The following NCAM1 variants were observed in gnomAD, a reference collection of about 807,000 sequenced individuals.
NCAM1 encodes neural cell adhesion molecule 1.
In NCAM1, 14 loss-of-function variants were observed where a neutral mutation model predicts 109.8. The ratio of observed to expected loss-of-function variants is 0.13; its 90% CI spans 0.08 to 0.20. The LOEUF (loss-of-function observed/expected upper bound fraction) is 0.20, where lower values mean the gene tolerates loss of function less well. Ranked by LOEUF, NCAM1 falls within the 10% of genes least tolerant of loss-of-function variation. The pLI is 1.00. For synonymous variants in NCAM1, 418 were observed against 442.9 expected (o/e 0.94, Z 0.70); for missense variants, 774 against 1,109.9 (o/e 0.70, Z 4.30).
At chr11:113,237,951 T>G in intron 14 of NCAM1, among the ~76,000 whole-genome samples, 1 of 68,634 alleles carries the variant, frequency 1.5e-5, no homozygotes, top group East Asian at 2.4e-4. Context: ...TATATATAGA[T>G]ATATAGATAG....
chr11:113,231,692 G>A lies in NCAM1; in HGVS notation c.1137G>A (p.Ser379=), dbSNP rs782126627. The A allele has an allele frequency of 2.9e-5, 47 of 1,613,784 alleles. No homozygotes were observed. In the East Asian group the frequency reaches 4.5e-4, roughly 15 times the overall value. ...MVVRSHARVS[S]LTLKSIQYTD... is the part of the protein sequence containing the mutation. ...TGCGTAGCCATGCCCGTGTGTCGTC[G>A]CTGACCCTGAAGAGCATCCAGTACA... is the stretch of plus-strand genomic sequence containing the variant. The change falls in exon 10 of 20, where the codon TCG becomes TCA. Residue 379 remains serine, a synonymous_variant. Coordinates refer to ENST00000316851, the MANE Select transcript of NCAM1 (RefSeq NM_181351.5).
chr11:113,251,293 G>C (rs1381166613), intron 15 of NCAM1, among the ~76,000 whole-genome samples: 1 of 152,234 alleles, frequency 6.6e-6, no homozygotes, highest in Middle Eastern at 3.2e-3. Flanking sequence ...ATCCAGTGGA[G>C]TTTTCTAACT....
intron 1 of NCAM1, among the ~76,000 whole-genome samples, chr11:113,138,627 C>T (rs1219657672): frequency 6.6e-6 from 1 of 152,198 alleles, no homozygotes; most frequent in African/African-American, 2.4e-5. Flanking sequence ...TTTTACAATA[C>T]TTCCTTTCCC....
intron 13 of NCAM1, 98 bp from the exon 14 acceptor site, chr11:113,234,935 C>G (rs1041098258): frequency 2.0e-5 from 28 of 1,394,190 alleles, no homozygotes; most frequent in Admixed American, 5.3e-5. Context: ...AATGATAAAT[C>G]TACAGTTAAT....
At chr11:113,221,370 T>G (rs1565509095) in intron 9 of NCAM1, 45 bp downstream of exon 9, 1 of 1,552,060 alleles carries the variant, frequency 6.4e-7, no homozygotes, top group Admixed American at 1.9e-5. Flanking sequence ...TTTGAAAGCA[T>G]TACAGTTTAA....
intron 1 of NCAM1, among the ~76,000 whole-genome samples, chr11:113,000,426 A>G (rs1204596620): frequency 5.9e-5 from 9 of 152,190 alleles, no homozygotes; most frequent in Non-Finnish European, 1.2e-4. Context: ...CATAAAAAGC[A>G]CAGTGAATAG....
chr11:113,106,911 C>T (rs1007100772), intron 1 of NCAM1, among the ~76,000 whole-genome samples: 63 of 152,322 alleles, frequency 4.1e-4, no homozygotes, highest in African/African-American at 1.4e-3. Flanking sequence ...GACTAAGACA[C>T]ACAGTCAACA....
intron 1 of NCAM1, among the ~76,000 whole-genome samples, chr11:113,140,808 G>T (rs547799716): frequency 6.4e-4 from 97 of 152,136 alleles, no homozygotes; most frequent in African/African-American, 2.0e-3. Flanking sequence ...ATATGTATGT[G>T]TCATTAGCTA....
At chr11:113,063,903 A>C (rs1555083817) in intron 1 of NCAM1, among the ~76,000 whole-genome samples, 1 of 152,214 alleles carries the variant, frequency 6.6e-6, no homozygotes, top group African/African-American at 2.4e-5. Flanking sequence ...AGTCCACAGA[A>C]AGGAGAATCT....
intron 13 of NCAM1, among the ~76,000 whole-genome samples, chr11:113,234,553 T>C (rs1945106538): frequency 6.6e-6 from 1 of 152,248 alleles, no homozygotes; most frequent in African/African-American, 2.4e-5. Context: ...TTTGTCCTTT[T>C]GTGGCTAGCT....
chr11:113,068,074 C>A (rs1271291572), intron 1 of NCAM1, among the ~76,000 whole-genome samples: 1 of 152,090 alleles, frequency 6.6e-6, no homozygotes, highest in Non-Finnish European at 1.5e-5. Context: ...CCATGCCTGG[C>A]TAATTTTTTC....
At chr11:113,267,728 A>G (rs946703802) in intron 17 of NCAM1, among the ~76,000 whole-genome samples, 42 of 152,312 alleles carry the variant, frequency 2.8e-4, no homozygotes, top group African/African-American at 9.4e-4. Context: ...TTTATGCCAC[A>G]GTTCAGAAGC....
At chr11:113,048,568 A>C (rs1033577225) in intron 1 of NCAM1, among the ~76,000 whole-genome samples, 1 of 152,218 alleles carries the variant, frequency 6.6e-6, no homozygotes. Flanking sequence ...TGCGAGGCCT[A>C]CAGTTTCTCT....
chr11:113,141,455 C>G (rs1424227711), intron 1 of NCAM1, among the ~76,000 whole-genome samples: 1 of 152,106 alleles, frequency 6.6e-6, no homozygotes, highest in African/African-American at 2.4e-5. Flanking sequence ...CACGGTGAAA[C>G]CCTGTCTCTA....
intron 1 of NCAM1, among the ~76,000 whole-genome samples, chr11:113,017,439 A>C (rs1247601812): frequency 6.6e-6 from 1 of 152,192 alleles, no homozygotes; most frequent in Non-Finnish European, 1.5e-5. Flanking sequence ...GAAATAGTGC[A>C]ACTTTTTGAG....
At chr11:113,032,769 G>A (rs1952760361) in intron 1 of NCAM1, among the ~76,000 whole-genome samples, 1 of 152,202 alleles carries the variant, frequency 6.6e-6, no homozygotes. Flanking sequence ...AGTGGAAGTG[G>A]AGGTTTTGTT....
At chr11:113,164,933 C>T (rs781904866) in intron 1 of NCAM1, among the ~76,000 whole-genome samples, 8 of 152,236 alleles carry the variant, frequency 5.3e-5, no homozygotes, top group South Asian at 2.1e-4. Flanking sequence ...AGGAGCCCAC[C>T]GAAAGTCAAC....
At chr11:112,981,312 T>C (rs958473236) in intron 1 of NCAM1, among the ~76,000 whole-genome samples, 11 of 151,916 alleles carry the variant, frequency 7.2e-5, no homozygotes, top group Admixed American at 7.2e-4. Context: ...CATAAAGCGG[T>C]ACACAATAGA....
At chr11:112,989,261 T>G (rs1951397526) in intron 1 of NCAM1, among the ~76,000 whole-genome samples, 1 of 152,134 alleles carries the variant, frequency 6.6e-6, no homozygotes, top group Non-Finnish European at 1.5e-5. Flanking sequence ...TGCTTGGTGG[T>G]GTCCCATAGG....
Sources: allele counts gnomAD v4.1 joint callset (sites outside exome capture counted in the v4.1 genomes callset), GRCh38; gene constraint gnomAD v4.1.1; transcripts MANE v1.5; gene names NCBI Gene and HGNC (gene_info 2026-07-23, HGNC 2026-07-21).